ZNF521: variants seen among roughly 807,000 people sequenced by gnomAD.
ZNF521 encodes LYST-interacting protein 3.
ZNF521 carries 14 observed loss-of-function variants against 105.5 expected under a neutral mutation model. The observed-to-expected ratio is 0.13, with a 90% CI of 0.09 to 0.21. The LOEUF is 0.21. Ranked by LOEUF, ZNF521 falls within the 10% of genes least tolerant of loss-of-function variation. The probability of loss-of-function intolerance (pLI) is 1.00; values close to 1 mark genes in which losing one functional copy is unlikely to be tolerated. For missense variants in ZNF521, 1,233 were observed against 1,629.7 expected (o/e 0.76, Z 4.19); for synonymous variants, 635 against 606.0 (o/e 1.05, Z -0.70).
At chr18:25,084,333 G>A (rs1339626186) in intron 7 of ZNF521, among the ~76,000 whole-genome samples, 3 of 150,580 alleles carry the variant, frequency 2.0e-5, no homozygotes, top group African/African-American at 4.9e-5. Context: ...TGTCTTATAC[G>A]TCCCATCCCA....
intron 5 of ZNF521, among the ~76,000 whole-genome samples, chr18:25,189,403 TA>T (rs1284330763): frequency 6.6e-6 from 1 of 152,234 alleles, no homozygotes; most frequent in Non-Finnish European, 1.5e-5. Flanking sequence ...TGTTTTCAGT[TA>T]CTGTCTGCAA....
chr18:25,352,069 G>A lies in ZNF521; in HGVS notation c.-66C>T. 3 of 496,050 alleles carry A rather than the reference G, an allele frequency of 6.0e-6. No homozygotes were observed. The highest frequency in any genetic ancestry group is 2.0e-5 in the Admixed American group (1 of 49,496). The allele number at this position is 496,050 out of a possible 1,614,324, so 30.7% of individuals were successfully genotyped here. On this transcript the variant is annotated 5_prime_UTR_variant, in exon 1 of 8. Coordinates refer to ENST00000361524, the MANE Select transcript of ZNF521 (RefSeq NM_015461.3). ...CATAATAATGGAAAATGGAAGCAAG[G>A]CCCCCAAAGCCATCAGGATGGCTCC...
At chr18:25,198,877 A>G (rs1475016416) in intron 4 of ZNF521, among the ~76,000 whole-genome samples, 1 of 151,984 alleles carries the variant, frequency 6.6e-6, no homozygotes, top group Non-Finnish European at 1.5e-5. Flanking sequence ...AAGACAGGTT[A>G]TTCTGAGATA....
At chr18:25,099,263 G>A (rs535501477) in intron 5 of ZNF521, among the ~76,000 whole-genome samples, 1 of 152,258 alleles carries the variant, frequency 6.6e-6, no homozygotes, top group South Asian at 2.1e-4. Context: ...AAGACTGATG[G>A]TAAAACAATA....
At chr18:25,091,016 G>C (rs760872678) in intron 6 of ZNF521, among the ~76,000 whole-genome samples, 8 of 152,204 alleles carry the variant, frequency 5.3e-5, no homozygotes, top group Non-Finnish European at 1.2e-4. Flanking sequence ...GTTAGTAATT[G>C]TGCTAGCTGT....
intron 3 of ZNF521, among the ~76,000 whole-genome samples, chr18:25,284,782 C>T (rs1910592246): frequency 6.6e-6 from 1 of 152,018 alleles, no homozygotes. Flanking sequence ...AAAAAAGAAA[C>T]AGCTAAGCCT....
intron 4 of ZNF521, among the ~76,000 whole-genome samples, chr18:25,221,029 T>C (rs1478272897): frequency 1.3e-5 from 2 of 152,232 alleles, no homozygotes; most frequent in Non-Finnish European, 2.9e-5. Context: ...TTGTAGGTTA[T>C]GTGTAAATTT....
At chr18:25,068,191 GAAGAAATA>G (rs2033120518) in intron 7 of ZNF521, among the ~76,000 whole-genome samples, 1 of 152,186 alleles carries the variant, frequency 6.6e-6, no homozygotes, top group African/African-American at 2.4e-5. Context: ...TGCAAGGTGG[GAAGAAATA>G]AAGAAATATA....
chr18:25,133,532 A>T (rs569968959), intron 5 of ZNF521, among the ~76,000 whole-genome samples: 1 of 152,316 alleles, frequency 6.6e-6, no homozygotes, highest in East Asian at 1.9e-4. Context: ...CTGATTATAG[A>T]CATATAAGCC....
chr18:25,076,704 G>A (rs1056802570), intron 7 of ZNF521, among the ~76,000 whole-genome samples: 1 of 152,140 alleles, frequency 6.6e-6, no homozygotes, highest in Non-Finnish European at 1.5e-5. Context: ...CAAATTCAGT[G>A]AAGGAAACCT....
At chr18:25,209,347 A>G (rs992624955) in intron 4 of ZNF521, among the ~76,000 whole-genome samples, 1 of 151,866 alleles carries the variant, frequency 6.6e-6, no homozygotes, top group African/African-American at 2.4e-5. Context: ...GGCCAGGCTC[A>G]TGATCTACCC....
chr18:25,071,972 G>C (rs2033236235), intron 7 of ZNF521, among the ~76,000 whole-genome samples: 1 of 152,204 alleles, frequency 6.6e-6, no homozygotes, highest in Non-Finnish European at 1.5e-5. Context: ...CTGAGAACCA[G>C]AGGGCAGAAG....
intron 4 of ZNF521, among the ~76,000 whole-genome samples, chr18:25,210,348 C>G (rs993934552): frequency 6.6e-6 from 1 of 152,202 alleles, no homozygotes; most frequent in Non-Finnish European, 1.5e-5. Flanking sequence ...GACAATCTTT[C>G]CTTCTACTAT....
intron 5 of ZNF521, among the ~76,000 whole-genome samples, chr18:25,187,425 T>G (rs536663725): frequency 1.5e-5 from 2 of 132,488 alleles, no homozygotes; most frequent in Non-Finnish European, 3.2e-5. Context: ...TACCTCAGAG[T>G]TTTTTTTTTT....
At chr18:25,216,295 T>C (rs1905321230) in intron 4 of ZNF521, among the ~76,000 whole-genome samples, 1 of 152,208 alleles carries the variant, frequency 6.6e-6, no homozygotes, top group Non-Finnish European at 1.5e-5. Flanking sequence ...CAGATCTTCA[T>C]ATTAAAGATG....
chr18:25,091,841 C>T, intron 6 of ZNF521, 109 bp downstream of exon 6: 2 of 1,352,306 alleles, frequency 1.5e-6, no homozygotes, highest in Non-Finnish European at 2.0e-6. Flanking sequence ...CCAAATTGAA[C>T]TGAAGTCATG....
At chr18:25,087,381 C>T (rs916420154) in intron 7 of ZNF521, among the ~76,000 whole-genome samples, 2 of 152,230 alleles carry the variant, frequency 1.3e-5, no homozygotes, top group Non-Finnish European at 2.9e-5. Context: ...GAGGCCACCG[C>T]TGCCACAGTG....
At chr18:25,167,675 C>A (rs997240381) in intron 5 of ZNF521, among the ~76,000 whole-genome samples, 3 of 152,116 alleles carry the variant, frequency 2.0e-5, no homozygotes, top group Non-Finnish European at 2.9e-5. Flanking sequence ...TTCTAGCTAC[C>A]ATTAAGCAGG....
intron 4 of ZNF521, among the ~76,000 whole-genome samples, chr18:25,213,182 A>T (rs1048244582): frequency 5.5e-5 from 7 of 126,224 alleles, no homozygotes; most frequent in Non-Finnish European, 1.1e-4. Flanking sequence ...AACATATATT[A>T]TAATGATAAT....
Sources: gnomAD v4.1 joint callset for allele counts (sites outside exome capture counted in the v4.1 genomes callset) on GRCh38, gnomAD v4.1.1 for gene constraint, MANE v1.5 for transcripts, NCBI Gene and HGNC (gene_info 2026-07-23, HGNC 2026-07-21) for gene names.